The following PPP2R2B variants were observed in gnomAD, a reference collection of about 807,000 sequenced individuals.
PPP2R2B encodes protein phosphatase 2 regulatory subunit Bbeta.
PPP2R2B carries 5 observed loss-of-function variants against 46.0 expected under a neutral mutation model. The observed-to-expected ratio is 0.11, with a 90% CI of 0.06 to 0.23. The LOEUF (loss-of-function observed/expected upper bound fraction) is 0.23, where lower values mean the gene tolerates loss of function less well. Ranked by LOEUF, PPP2R2B falls within the 10% of genes least tolerant of loss-of-function variation. The pLI is 1.00. For synonymous variants in PPP2R2B, 215 were observed against 206.7 expected, an observed-to-expected ratio of 1.04 and a Z score of -0.34; for missense variants, 367 against 575.0, an observed-to-expected ratio of 0.64 and a Z score of 3.70.
At chr5:146,668,878 G>C (rs1777173759) in intron 5 of PPP2R2B, among the ~76,000 whole-genome samples, 1 of 152,188 alleles carries the variant, frequency 6.6e-6, no homozygotes, top group African/African-American at 2.4e-5. Context: ...CAGGGCACGG[G>C]TGGCATGGAC....
At chr5:146,995,923 C>T (rs1199271171) in intron 1 of PPP2R2B, among the ~76,000 whole-genome samples, 3 of 152,136 alleles carry the variant, frequency 2.0e-5, no homozygotes, top group Non-Finnish European at 4.4e-5. Context: ...ATAAAACCAG[C>T]AATATAGATA....
At chr5:147,062,755 G>C (rs1168499814) in intron 2 of PPP2R2B, among the ~76,000 whole-genome samples, 2 of 151,776 alleles carry the variant, frequency 1.3e-5, no homozygotes, top group African/African-American at 4.8e-5. Flanking sequence ...ATTTGATTAG[G>C]GCTGGGCAAA....
intron 2 of PPP2R2B, among the ~76,000 whole-genome samples, chr5:147,064,605 C>A (rs548300463): frequency 6.6e-6 from 1 of 152,310 alleles, no homozygotes; most frequent in East Asian, 1.9e-4. Flanking sequence ...GAACTAAGAT[C>A]TGTGTGTAAT....
At chr5:146,935,691 A>G (rs1764116252) in intron 1 of PPP2R2B, among the ~76,000 whole-genome samples, 1 of 152,140 alleles carries the variant, frequency 6.6e-6, no homozygotes, top group Non-Finnish European at 1.5e-5. Context: ...AAGAAAAGAG[A>G]AAAAAAGTTC....
At chr5:146,885,174 T>C (rs1472659439) in intron 1 of PPP2R2B, among the ~76,000 whole-genome samples, 2 of 152,226 alleles carry the variant, frequency 1.3e-5, no homozygotes, top group Admixed American at 6.5e-5. Context: ...CATTGTCTCA[T>C]TTTATTCTAA....
intron 1 of PPP2R2B, among the ~76,000 whole-genome samples, chr5:146,978,819 G>C (rs965998527): frequency 7.9e-5 from 12 of 152,084 alleles, no homozygotes; most frequent in Admixed American, 7.9e-4. Context: ...CTCCAGCTTT[G>C]TTCTTTTTGC....
At chr5:146,738,764 G>A (rs1752695559) in intron 2 of PPP2R2B, among the ~76,000 whole-genome samples, 1 of 152,106 alleles carries the variant, frequency 6.6e-6, no homozygotes, top group African/African-American at 2.4e-5. Flanking sequence ...GAGGATATAG[G>A]TAGAGTTCTT....
At chr5:146,772,001 G>C (rs1008068670) in intron 2 of PPP2R2B, among the ~76,000 whole-genome samples, 1 of 152,142 alleles carries the variant, frequency 6.6e-6, no homozygotes, top group African/African-American at 2.4e-5. Flanking sequence ...TGTACACAGA[G>C]AATCATTTTC....
At chr5:146,914,301 C>A (rs1763296490) in intron 1 of PPP2R2B, 1 of 152,100 alleles carries the variant, frequency 6.6e-6, no homozygotes, top group Non-Finnish European at 1.5e-5. Flanking sequence ...AGGCCACATG[C>A]TTTCTGCTTG....
chr5:146,884,940 A>G (rs780755239), intron 1 of PPP2R2B, among the ~76,000 whole-genome samples: 2 of 152,234 alleles, frequency 1.3e-5, no homozygotes, highest in African/African-American at 2.4e-5. Flanking sequence ...ATTCTAAGAA[A>G]ATAACCATGG....
At chr5:146,959,674 G>A (rs528280414) in intron 1 of PPP2R2B, among the ~76,000 whole-genome samples, 1 of 152,282 alleles carries the variant, frequency 6.6e-6, no homozygotes, top group South Asian at 2.1e-4. Flanking sequence ...CTTGAACTGT[G>A]CTGAAACTGA....
chr5:146,961,831 A>G (rs1433259567), intron 1 of PPP2R2B, among the ~76,000 whole-genome samples: 1 of 151,960 alleles, frequency 6.6e-6, no homozygotes, highest in Non-Finnish European at 1.5e-5. Context: ...AAAGGAATGG[A>G]TCATAAAGCA....
chr5:147,068,583 C>A (rs975415230), intron 2 of PPP2R2B, among the ~76,000 whole-genome samples: 1 of 152,070 alleles, frequency 6.6e-6, no homozygotes, highest in African/African-American at 2.4e-5. Flanking sequence ...TATTAAATAG[C>A]AATATTTTTA....
At chr5:147,042,790 A>G (rs897631948) in intron 1 of PPP2R2B, among the ~76,000 whole-genome samples, 9 of 152,110 alleles carry the variant, frequency 5.9e-5, no homozygotes, top group African/African-American at 1.9e-4. Flanking sequence ...TTTCAGACAA[A>G]GTAGGCAGGA....
chr5:147,005,779 AAGAG>A (rs1158155249), intron 1 of PPP2R2B, among the ~76,000 whole-genome samples: 5 of 149,716 alleles, frequency 3.3e-5, no homozygotes, highest in African/African-American at 1.0e-4. Context: ...GGGAGTCAGA[AAGAG>A]AGAAAGAGAG....
chr5:146,729,251 A>T (rs1031359515), intron 2 of PPP2R2B, among the ~76,000 whole-genome samples: 2 of 152,188 alleles, frequency 1.3e-5, no homozygotes, highest in Non-Finnish European at 2.9e-5. Flanking sequence ...GAGATTTGTG[A>T]AACTTTGAAC....
At chr5:146,638,153 T>C in intron 7 of PPP2R2B, 98 bp downstream of exon 7, 2 of 1,253,066 alleles carry the variant, frequency 1.6e-6, no homozygotes, top group Non-Finnish European at 1.1e-6. Context: ...ACTCCTAGTG[T>C]GTCTGGTGTA....
intron 1 of PPP2R2B, among the ~76,000 whole-genome samples, chr5:146,897,602 C>G (rs504267): frequency 0.5 from 76,398 of 151,992 alleles, 21,651 homozygotes; most frequent in African/African-American, 0.75. Context: ...AGATCATCTA[C>G]TCAATTGAGT....
intron 7 of PPP2R2B, among the ~76,000 whole-genome samples, chr5:146,613,761 G>A (rs1289371818): frequency 7.1e-6 from 1 of 140,936 alleles, no homozygotes; most frequent in Non-Finnish European, 1.5e-5. Context: ...TTGCTTCAAA[G>A]AGAATAAAAT....
Sources: gnomAD v4.1 joint callset for allele counts (sites outside exome capture counted in the v4.1 genomes callset) on GRCh38, gnomAD v4.1.1 for gene constraint, MANE v1.5 for transcripts, NCBI Gene and HGNC (gene_info 2026-07-23, HGNC 2026-07-21) for gene names.